Variants in ARHGEF4 observed in about 807,000 individuals in gnomAD.
The protein encoded by ARHGEF4 is APC-stimulated guanine nucleotide exchange factor 1.
A neutral mutation model predicts 162.0 loss-of-function variants in ARHGEF4; 119 were observed. The observed-to-expected ratio is 0.73, with a 90% confidence interval of 0.63 to 0.86. The LOEUF (loss-of-function observed/expected upper bound fraction) is 0.86. ARHGEF4 is among the 40% of genes least tolerant of loss of function. The pLI, the probability that ARHGEF4 is intolerant of heterozygous loss-of-function variation, is 0.00. For synonymous variants in ARHGEF4, 1,014 were observed against 979.9 expected (o/e 1.03, Z -0.65); for missense variants, 2,488 against 2,456.0 (o/e 1.01, Z -0.28).
chr2:130,894,386 G>A (rs1218294503), intron 1 of ARHGEF4, among the ~76,000 whole-genome samples: 1 of 152,054 alleles, frequency 6.6e-6, no homozygotes, highest in Non-Finnish European at 1.5e-5. Context: ...TCGTCAAGAA[G>A]ACAAGGACTG....
chr2:130,857,211 G>A lies in ARHGEF4; in HGVS notation c.39+20219G>A, dbSNP rs554481522. Among the ~76,000 whole-genome samples the A allele has an allele frequency of 1.5e-4, 22 of 151,670 alleles. No individual in the cohort carries two copies. In the East Asian group the frequency reaches 4.1e-3, roughly 28 times the overall value. On this transcript the variant is annotated intron_variant, in intron 1 of 13. Transcript: ENST00000409359. ...CGCGTCACTGCACTCCAGCCTGGGC[G>A]ACAGAGCGAGACTCCATCTCAAAAA...
chr2:131,005,878 T>A (rs998721950), intron 4 of ARHGEF4, among the ~76,000 whole-genome samples: 1 of 152,154 alleles, frequency 6.6e-6, no homozygotes, highest in Non-Finnish European at 1.5e-5. Flanking sequence ...CAGACACAAA[T>A]CTAGGAACTT....
chr2:131,011,661 A>T, intron 4 of ARHGEF4: 1 of 1,535,616 alleles, frequency 6.5e-7, no homozygotes, highest in Non-Finnish European at 8.7e-7. Context: ...TCAAGAGCCC[A>T]TCGGAGCTGA....
rs70994731 is a variant in ARHGEF4, at chr2:131,007,800, C to CTT, written c.3986-20118_3986-20117dup. Among the ~76,000 whole-genome samples the CTT allele has an allele frequency of 5.5e-3, 308 of 55,894 alleles. 41 individuals are homozygous for CTT. The highest frequency in any genetic ancestry group is 0.049 in the East Asian group (83 of 1,706). 36.7% of individuals were successfully genotyped at this position (55,894 alleles called of 152,430 possible). A position where few individuals can be genotyped will look rare whatever the true frequency, so the allele number is the denominator to read the frequency against. ...TAAAGCTAAATTATTCTTTTCTTTT[C>CTT]TTTTTTTTTTTTTTTTTTTTTTTTT... On this transcript the variant is annotated intron_variant, in intron 4 of 13. Coordinates refer to ENST00000409359, the MANE Select transcript of ARHGEF4 (RefSeq NM_001367493.1).
At chr2:130,872,117 C>G (rs1678527213) in intron 1 of ARHGEF4, among the ~76,000 whole-genome samples, 1 of 152,244 alleles carries the variant, frequency 6.6e-6, no homozygotes, top group African/African-American at 2.4e-5. Flanking sequence ...GCTCCTTCCT[C>G]TGCTGGAAAT....
chr2:131,042,490 A>G (rs565917265), intron 10 of ARHGEF4, among the ~76,000 whole-genome samples: 1 of 149,478 alleles, frequency 6.7e-6, no homozygotes, highest in Non-Finnish European at 1.5e-5. Flanking sequence ...CCACCTCCTG[A>G]TCTGTTCCCG....
At chr2:130,837,191 C>T (rs2435833) in intron 1 of ARHGEF4, among the ~76,000 whole-genome samples, 199 bp downstream of exon 1, 13,936 of 152,016 alleles carry the variant, frequency 0.092, 864 homozygotes, top group East Asian at 0.19. Flanking sequence ...GGGGCCGTCT[C>T]GAGCGCGGGG....
chr2:130,911,112 GGCA>G (rs1461221762), intron 1 of ARHGEF4, among the ~76,000 whole-genome samples: 2 of 152,170 alleles, frequency 1.3e-5, no homozygotes. Context: ...CGGGGCAGCG[GGCA>G]GGGAAGCGGT....
chr2:130,892,997 C>T (rs1022887792), intron 1 of ARHGEF4, among the ~76,000 whole-genome samples: 4 of 152,210 alleles, frequency 2.6e-5, no homozygotes, highest in Admixed American at 2.0e-4. Flanking sequence ...ACAGTGGCAT[C>T]CTAGGCAGTG....
intron 4 of ARHGEF4, among the ~76,000 whole-genome samples, chr2:130,965,957 G>T (rs1044187845): frequency 3.3e-5 from 5 of 152,154 alleles, no homozygotes; most frequent in Admixed American, 2.0e-4. Context: ...GGGCTGCCCG[G>T]CAATGGCAGG....
chr2:130,979,919 A>G (rs1175331501), intron 4 of ARHGEF4, among the ~76,000 whole-genome samples: 1 of 152,114 alleles, frequency 6.6e-6, no homozygotes, highest in Non-Finnish European at 1.5e-5. Flanking sequence ...TTTCTCAAAC[A>G]ATAAGACCTA....
chr2:130,915,763 A>G lies in ARHGEF4; in HGVS notation c.1817A>G (p.Gln606Arg). Residue 606 changes from glutamine to arginine, a missense_variant, in exon 2 of 14, where the codon CAG becomes CGG. Physicochemically the swap from Gln to Arg is conservative, Grantham distance 43. This residue lies in a region of ARHGEF4 where 1,642 missense variants were observed against 1,481.5 expected (regional missense o/e 1.11). Coordinates refer to ENST00000409359, the MANE Select transcript of ARHGEF4 (RefSeq NM_001367493.1). ...HCGPGAEEGE[Q>R]GPGGAGGRQL... ...GGCCCCGGGGCTGAGGAGGGTGAACAGGGGCCTGGGGGTGCCGGGGGCCGG... is the reference window on the plus strand; with the variant it reads ...GGCCCCGGGGCTGAGGAGGGTGAACGGGGGCCTGGGGGTGCCGGGGGCCGG... The G allele has an allele frequency of 6.5e-7, 1 of 1,537,834 alleles. No homozygotes were observed.
chr2:130,988,870 GTGTA>G (rs1244836386), intron 4 of ARHGEF4, among the ~76,000 whole-genome samples: 234 of 29,210 alleles, frequency 8.0e-3, no homozygotes, highest in South Asian at 0.012. Context: ...GTGTGTGTGT[GTGTA>G]TATATATATA....
intron 4 of ARHGEF4, among the ~76,000 whole-genome samples, chr2:130,964,470 C>T (rs1425508078): frequency 2.0e-5 from 3 of 152,230 alleles, no homozygotes; most frequent in African/African-American, 2.4e-5. Flanking sequence ...CCACGTCTAC[C>T]GGTGGGCCAC....
chr2:131,033,434 G>C (rs1283078114), intron 5 of ARHGEF4, among the ~76,000 whole-genome samples: 1 of 152,192 alleles, frequency 6.6e-6, no homozygotes, highest in East Asian at 1.9e-4. Flanking sequence ...TGGCCGAGCA[G>C]GCTGCTGTAG....
rs558177586 is a variant in ARHGEF4, at chr2:130,889,085, AC to A, written c.40-24900del. On this transcript the variant is annotated intron_variant, in intron 1 of 13. Coordinates refer to ENST00000409359, the MANE Select transcript of ARHGEF4 (RefSeq NM_001367493.1). ...ATGCCATTGCACTCCGGCCTGGGCA[AC>A]AAGAACAAAACTCCATCTCAAAAAA... Among the ~76,000 whole-genome samples, 120 of 150,922 alleles carry A rather than the reference AC, an allele frequency of 8.0e-4. 1 individual carries two copies. Among genetic ancestry groups the A allele is most frequent in the African/African-American group, 2.7e-3 (111 of 40,718 alleles).
chr2:130,974,416 A>G (rs1685563705), intron 4 of ARHGEF4, among the ~76,000 whole-genome samples: 1 of 152,030 alleles, frequency 6.6e-6, no homozygotes, highest in Non-Finnish European at 1.5e-5. Flanking sequence ...TTAAATGAAC[A>G]TAACTGTAAA....
At chr2:130,920,465 G>A (rs1681804482) in intron 2 of ARHGEF4, among the ~76,000 whole-genome samples, 1 of 152,190 alleles carries the variant, frequency 6.6e-6, no homozygotes, top group Admixed American at 6.5e-5. Flanking sequence ...GAAGAGGAAG[G>A]CCTAGTACAC....
At chr2:130,887,806 G>A (rs1439075483) in intron 1 of ARHGEF4, among the ~76,000 whole-genome samples, 1 of 152,144 alleles carries the variant, frequency 6.6e-6, no homozygotes, top group Non-Finnish European at 1.5e-5. Flanking sequence ...TGGTCTCCAG[G>A]ACGGCGTCCT....
Sources: allele counts gnomAD v4.1 joint callset (sites outside exome capture counted in the v4.1 genomes callset), GRCh38; gene constraint gnomAD v4.1.1; regional missense constraint gnomAD v4.1.1; transcripts MANE v1.5; gene names NCBI Gene and HGNC (gene_info 2026-07-23, HGNC 2026-07-21).